Variants in CTNNA3 observed in about 807,000 individuals in gnomAD.
The protein encoded by CTNNA3 is catenin alpha-3.
In CTNNA3, 76 loss-of-function variants were observed where a neutral mutation model predicts 95.7. That is an observed-to-expected ratio of 0.79 (90% confidence interval 0.66 to 0.96). The LOEUF (loss-of-function observed/expected upper bound fraction) is 0.96, where lower values mean the gene tolerates loss of function less well. Ranked by LOEUF, CTNNA3 falls within the 40% of genes least tolerant of loss-of-function variation. The pLI is 0.00. For synonymous variants in CTNNA3, 431 were observed against 374.4 expected (o/e 1.15, Z -1.74); for missense variants, 1,191 against 1,089.8 (o/e 1.09, Z -1.31).
chr10:66,920,273 TAA>T (rs1488459506), intron 7 of CTNNA3, among the ~76,000 whole-genome samples: 2 of 152,232 alleles, frequency 1.3e-5, no homozygotes, highest in Non-Finnish European at 2.9e-5. Flanking sequence ...TAAAAGTTTA[TAA>T]GTCAGGTTTT....
At chr10:66,131,085 A>C (rs1388565201) in intron 13 of CTNNA3, among the ~76,000 whole-genome samples, 1 of 151,240 alleles carries the variant, frequency 6.6e-6, no homozygotes, top group Non-Finnish European at 1.5e-5. Flanking sequence ...AAAAAAAAGA[A>C]GAAGAAGAAA....
chr10:66,155,916 A>G (rs2133917987), intron 13 of CTNNA3, among the ~76,000 whole-genome samples: 1 of 152,026 alleles, frequency 6.6e-6, no homozygotes, highest in East Asian at 1.9e-4. Context: ...AGAACTCAAA[A>G]AAAATCAGTA....
intron 7 of CTNNA3, among the ~76,000 whole-genome samples, chr10:67,077,851 CAAAATT>C (rs1311389478): frequency 6.6e-6 from 1 of 151,486 alleles, no homozygotes; most frequent in African/African-American, 2.4e-5. Context: ...TAATAAGAGA[CAAAATT>C]AATAAAGAAA....
chr10:66,662,390 T>C (rs947074107), intron 9 of CTNNA3, among the ~76,000 whole-genome samples: 6 of 152,196 alleles, frequency 3.9e-5, no homozygotes, highest in Non-Finnish European at 7.3e-5. Context: ...TACATTTTGC[T>C]GGAACTTCCC....
At chr10:67,318,989 T>C (rs537743571) in intron 5 of CTNNA3, among the ~76,000 whole-genome samples, 12 of 152,258 alleles carry the variant, frequency 7.9e-5, no homozygotes, top group African/African-American at 2.9e-4. Flanking sequence ...CTGGTAAGAG[T>C]AGCTCACTAT....
At chr10:67,463,221 TAC>T (rs1474706189) in intron 5 of CTNNA3, among the ~76,000 whole-genome samples, 1 of 152,078 alleles carries the variant, frequency 6.6e-6, no homozygotes, top group Non-Finnish European at 1.5e-5. Flanking sequence ...AGGATTATTT[TAC>T]ATAATACAAA....
intron 17 of CTNNA3, among the ~76,000 whole-genome samples, chr10:65,955,601 C>A (rs997832949): frequency 1.3e-5 from 2 of 152,186 alleles, no homozygotes; most frequent in Non-Finnish European, 2.9e-5. Flanking sequence ...GCATGAAGTG[C>A]TGTTGAATTT....
At chr10:67,161,225 G>A (rs1217461500) in intron 7 of CTNNA3, among the ~76,000 whole-genome samples, 1 of 151,876 alleles carries the variant, frequency 6.6e-6, no homozygotes, top group Non-Finnish European at 1.5e-5. Flanking sequence ...AATAAAAGTA[G>A]TAATCTCTGA....
chr10:66,866,601 T>C (rs1369772030), intron 7 of CTNNA3, among the ~76,000 whole-genome samples: 3 of 152,180 alleles, frequency 2.0e-5, no homozygotes, highest in Admixed American at 1.3e-4. Flanking sequence ...CTCTACAAAA[T>C]ATAAAATGTG....
At chr10:66,864,268 T>C (rs748451170) in intron 7 of CTNNA3, among the ~76,000 whole-genome samples, 7 of 152,142 alleles carry the variant, frequency 4.6e-5, no homozygotes, top group African/African-American at 7.2e-5. Flanking sequence ...AATGTTGTTA[T>C]CACAGGAGTT....
At chr10:67,411,444 T>G (rs1845363659) in intron 5 of CTNNA3, among the ~76,000 whole-genome samples, 1 of 152,110 alleles carries the variant, frequency 6.6e-6, no homozygotes, top group Admixed American at 6.6e-5. Context: ...CTCAATTCCT[T>G]TTTATGGTCA....
At chr10:67,154,850 C>A (rs1043357741) in intron 7 of CTNNA3, among the ~76,000 whole-genome samples, 1 of 152,128 alleles carries the variant, frequency 6.6e-6, no homozygotes, top group Admixed American at 6.5e-5. Context: ...AATTCACGGG[C>A]ACTGAGCTCT....
intron 5 of CTNNA3, among the ~76,000 whole-genome samples, chr10:67,412,447 A>G (rs1845401807): frequency 6.6e-6 from 1 of 152,140 alleles, no homozygotes; most frequent in South Asian, 2.1e-4. Flanking sequence ...GGACACAGGC[A>G]TGAAAACTTC....
At chr10:66,125,896 A>C (rs954841211) in intron 13 of CTNNA3, among the ~76,000 whole-genome samples, 2 of 152,214 alleles carry the variant, frequency 1.3e-5, no homozygotes, top group Non-Finnish European at 2.9e-5. Flanking sequence ...TTTGACTGGT[A>C]AATCAATTTT....
chr10:67,114,499 GTC>G (rs1461772567), intron 7 of CTNNA3, among the ~76,000 whole-genome samples: 1 of 152,022 alleles, frequency 6.6e-6, no homozygotes, highest in Non-Finnish European at 1.5e-5. Context: ...TTATTCTGGA[GTC>G]TCTGTAGATT....
At chr10:65,980,526 CAA>C (rs765928337) in intron 16 of CTNNA3, among the ~76,000 whole-genome samples, 1 of 116,782 alleles carries the variant, frequency 8.6e-6, no homozygotes. Flanking sequence ...AAGGACATAA[CAA>C]AAAAAAAAAA....
chr10:66,735,980 T>TAAA (rs1849123195), intron 9 of CTNNA3, among the ~76,000 whole-genome samples: 1 of 152,192 alleles, frequency 6.6e-6, no homozygotes, highest in African/African-American at 2.4e-5. Flanking sequence ...GGGAACATGC[T>TAAA]TCCCATTTGG....
chr10:66,655,193 T>C (rs1252774269), intron 9 of CTNNA3, among the ~76,000 whole-genome samples: 1 of 152,114 alleles, frequency 6.6e-6, no homozygotes, highest in Non-Finnish European at 1.5e-5. Flanking sequence ...TGGTACATGA[T>C]AAATAAACAC....
intron 13 of CTNNA3, among the ~76,000 whole-genome samples, chr10:66,156,261 A>G (rs1287146819): frequency 6.6e-6 from 1 of 151,924 alleles, no homozygotes; most frequent in Non-Finnish European, 1.5e-5. Context: ...CCGACTAAAG[A>G]AAGGAAACAG....
Sources: gnomAD v4.1 joint callset for allele counts (sites outside exome capture counted in the v4.1 genomes callset) on GRCh38, gnomAD v4.1.1 for gene constraint, MANE v1.5 for transcripts, NCBI Gene and HGNC (gene_info 2026-07-23, HGNC 2026-07-21) for gene names.